Variants in PPP1R37 observed in about 807,000 individuals in gnomAD.
PPP1R37 encodes the protein protein phosphatase 1 regulatory subunit 37, also known as leucine rich repeat containing 68.
In PPP1R37, 21 loss-of-function variants were observed where a neutral mutation model predicts 61.0. The observed-to-expected ratio is 0.34, with a 90% CI of 0.24 to 0.50. PPP1R37 has a LOEUF of 0.50. Among genes scored for constraint, PPP1R37 ranks in the 20% least tolerant of loss-of-function variants. PPP1R37 has a pLI of 0.98. For missense variants in PPP1R37, 910 were observed against 952.7 expected (o/e 0.96, Z 0.59); for synonymous variants, 443 against 433.5 (o/e 1.02, Z -0.27).
intron 1 of PPP1R37, among the ~76,000 whole-genome samples, chr19:45,117,190 G>A: frequency 6.6e-6 from 1 of 152,160 alleles, no homozygotes; most frequent in East Asian, 1.9e-4. Context: ...TGGGATTACA[G>A]GTGTGAGCCA....
At position 45,118,539 on chromosome 19, in the gene PPP1R37, G is replaced by A. The variant is rs536480022; in HGVS notation, c.203-19975G>A. Reference sequence around the variant, plus strand: ...TATCCCCTTCCCAGGGATGTGCTAAGGTTTCAGGGAGCTCGGGTACATAAA... The same window carrying A: ...TATCCCCTTCCCAGGGATGTGCTAAAGTTTCAGGGAGCTCGGGTACATAAA... On this transcript the variant is annotated intron_variant, in intron 1 of 12. Coordinates refer to ENST00000221462, the MANE Select transcript of PPP1R37 (RefSeq NM_019121.2). 1.1e-4 allele frequency among the ~76,000 whole-genome samples: 17 copies of A among 152,280 alleles called. No individual in the cohort carries two copies. The South Asian group carries it at 3.5e-3, about 32-fold the overall frequency.
chr19:45,118,877 C>T (rs1015692683), intron 1 of PPP1R37, among the ~76,000 whole-genome samples: 4 of 152,160 alleles, frequency 2.6e-5, no homozygotes, highest in African/African-American at 9.7e-5. Flanking sequence ...TCGTGAGAGA[C>T]TGGCCTTGGT....
chr19:45,137,262 T>C (rs1291911880), intron 1 of PPP1R37, among the ~76,000 whole-genome samples: 1 of 152,222 alleles, frequency 6.6e-6, no homozygotes, highest in African/African-American at 2.4e-5. Context: ...TACAAATTCC[T>C]GTCAGCTGGT....
chr19:45,142,006 G>A, intron 5 of PPP1R37, 55 bp from the exon 6 acceptor site: 1 of 1,370,450 alleles, frequency 7.3e-7, no homozygotes, highest in Non-Finnish European at 9.7e-7. Flanking sequence ...TGGGGCCAGG[G>A]AGTGCTGGGG....
chr19:45,118,477 C>G (rs1035961940), intron 1 of PPP1R37, among the ~76,000 whole-genome samples: 4 of 151,852 alleles, frequency 2.6e-5, no homozygotes, highest in Non-Finnish European at 5.9e-5. Context: ...CCTTTCTGAC[C>G]CTCCTCTTCT....
At chr19:45,127,898 C>G (rs1174863451) in intron 1 of PPP1R37, among the ~76,000 whole-genome samples, 2 of 150,950 alleles carry the variant, frequency 1.3e-5, no homozygotes, top group African/African-American at 4.9e-5. Flanking sequence ...TCCCTTGAAC[C>G]CGGGAGGCAG....
chr19:45,109,879 T>TC (rs893771672), intron 1 of PPP1R37, among the ~76,000 whole-genome samples: 44 of 152,076 alleles, frequency 2.9e-4, no homozygotes, highest in African/African-American at 9.2e-4. Flanking sequence ...TCAGCTCTGC[T>TC]CCCCCTCTGC....
rs1303105259 is a variant in PPP1R37 at position 45,093,359 on chromosome 19, C to T, written c.34C>T (p.Pro12Ser). ...EIAPQEAPPV[P>S]GADGDIEEAP... ...CGCGCCGCAGGAGGCGCCGCCCGTG[C>T]CGGGCGCGGACGGCGACATTGAAGA... Residue 12 changes from proline to serine, a missense_variant, in exon 1 of 13, where the codon CCG (proline) becomes TCG (serine). Physicochemically the swap from Pro to Ser is moderately conservative, Grantham distance 74. This residue lies in a region of PPP1R37 where 81 missense variants were observed against 65.4 expected (regional missense o/e 1.24). Transcript: ENST00000221462. 15 of 1,506,582 alleles carry T rather than the reference C, an allele frequency of 1.0e-5. No homozygotes were observed. The highest frequency in any genetic ancestry group is 8.5e-5 in the African/African-American group (6 of 70,224). The allele number at this position is 1,506,582 out of a possible 1,614,324, so 93.3% of individuals were successfully genotyped here.
chr19:45,107,736 C>T (rs915851322), intron 1 of PPP1R37, among the ~76,000 whole-genome samples: 5 of 152,186 alleles, frequency 3.3e-5, no homozygotes, highest in Admixed American at 1.3e-4. Flanking sequence ...CGTGTAATGC[C>T]AGTGCATTTC....
Position 45,121,291 on chromosome 19 carries a change from C to T in PPP1R37, c.203-17223C>T, listed in dbSNP as rs927942480. ...TCAGAAGCACAGACCTGCATTTACA[C>T]TCACACTCTGGGATGAGGGACTTTC... On this transcript the variant is annotated intron_variant, in intron 1 of 12. Coordinates refer to ENST00000221462, the MANE Select transcript of PPP1R37 (RefSeq NM_019121.2). The surrounding 1 kb of genome is among the most constrained non-coding windows in gnomAD (Gnocchi z 4.2). Among the ~76,000 whole-genome samples, 2 of 152,240 alleles carry T rather than the reference C, an allele frequency of 1.3e-5. No individual in the cohort carries two copies. Among genetic ancestry groups the T allele is most frequent in the African/African-American group, 2.4e-5 (1 of 41,452 alleles).
intron 1 of PPP1R37, chr19:45,137,086 C>CA (rs1189233716): frequency 1.2e-4 from 18 of 152,260 alleles, no homozygotes; most frequent in African/African-American, 4.3e-4. Flanking sequence ...TTCCTGGCCC[C>CA]CTTCCCTGCC....
intron 1 of PPP1R37, among the ~76,000 whole-genome samples, chr19:45,111,185 C>T (rs1968195338): frequency 1.3e-5 from 2 of 152,268 alleles, no homozygotes; most frequent in East Asian, 1.9e-4. Context: ...GCTCCAAGAG[C>T]TCTGTCTCCT....
At chr19:45,094,403 G>T (rs1217911072) in intron 1 of PPP1R37, among the ~76,000 whole-genome samples, 4 of 152,206 alleles carry the variant, frequency 2.6e-5, no homozygotes, top group Non-Finnish European at 4.4e-5. Flanking sequence ...ACATGGCTAC[G>T]GAAGGGTCCT....
intron 1 of PPP1R37, among the ~76,000 whole-genome samples, chr19:45,125,855 T>C (rs1266042935): frequency 6.6e-6 from 1 of 152,240 alleles, no homozygotes; most frequent in Non-Finnish European, 1.5e-5. Context: ...CATTCTGGCC[T>C]CAGACCTCTT....
intron 1 of PPP1R37, among the ~76,000 whole-genome samples, chr19:45,119,900 G>A (rs940146510): frequency 3.3e-5 from 5 of 152,178 alleles, no homozygotes; most frequent in African/African-American, 4.8e-5. Context: ...CAGGAAGCCC[G>A]GAGAAGGGCC....
intron 1 of PPP1R37, among the ~76,000 whole-genome samples, chr19:45,137,679 G>A (rs1076384): frequency 0.035 from 5,362 of 152,270 alleles, 318 homozygotes; most frequent in African/African-American, 0.12. Flanking sequence ...TGGGGATCCT[G>A]AGAGGCACGT....
chr19:45,136,365 G>A (rs1252878841), intron 1 of PPP1R37: 2 of 152,150 alleles, frequency 1.3e-5, no homozygotes, highest in African/African-American at 4.8e-5. Flanking sequence ...TAATAAGAAG[G>A]AAATGCTAAA....
chr19:45,114,541 G>C (rs978780597), intron 1 of PPP1R37, among the ~76,000 whole-genome samples: 3 of 152,214 alleles, frequency 2.0e-5, no homozygotes, highest in African/African-American at 7.2e-5. Context: ...TGTTGGGGTG[G>C]AGGGCAGTTT....
Position 45,145,549 on chromosome 19 carries a change from G to C in PPP1R37, c.1493G>C (p.Ser498Thr). 1 of 1,534,820 alleles carries C rather than the reference G, an allele frequency of 6.5e-7. No individual in the cohort carries two copies. The highest frequency in any genetic ancestry group is 1.2e-5 in the South Asian group (1 of 83,802). The stretch of plus-strand genomic sequence containing the variant: ...GCTGGGGTGCAGAACGGGGCCCCCA[G>C]CCCCGCACCCAGCCCGGACTCAGAC... ...PAAGVQNGAP[S>T]PAPSPDSDSD... The change falls in exon 11 of 13, where the codon AGC becomes ACC. Residue 498 changes from serine (S) to threonine (T), a missense_variant. This residue lies in a region of PPP1R37 where 549 missense variants were observed against 505.1 expected (regional missense o/e 1.09). Coordinates refer to ENST00000221462, the MANE Select transcript of PPP1R37 (RefSeq NM_019121.2).
Sources: allele counts gnomAD v4.1 joint callset (sites outside exome capture counted in the v4.1 genomes callset), GRCh38; gene constraint gnomAD v4.1.1; regional missense constraint gnomAD v4.1.1; non-coding constraint Gnocchi (gnomAD v3.1); transcripts MANE v1.5; gene names NCBI Gene and HGNC (gene_info 2026-07-23, HGNC 2026-07-21).